The following PHACTR1 variants were observed in gnomAD, a reference collection of about 807,000 sequenced individuals.
PHACTR1 encodes phosphatase and actin regulator 1.
In PHACTR1, 16 loss-of-function variants were observed where a neutral mutation model predicts 69.2. The observed-to-expected ratio is 0.23, with a 90% confidence interval of 0.16 to 0.35. The LOEUF (loss-of-function observed/expected upper bound fraction) is 0.35. PHACTR1 is among the 10% of genes least tolerant of loss of function. PHACTR1 has a pLI of 1.00. For synonymous variants in PHACTR1, 312 were observed against 284.5 expected (o/e 1.10, Z -0.97); for missense variants, 510 against 734.7 (o/e 0.69, Z 3.54).
At chr6:13,072,637 C>T (rs368410189) in intron 5 of PHACTR1, among the ~76,000 whole-genome samples, 3 of 152,176 alleles carry the variant, frequency 2.0e-5, no homozygotes, top group East Asian at 3.8e-4. Context: ...AAAACATTCC[C>T]TTGGTTGTAT....
chr6:13,155,978 C>T (rs1453368230), intron 5 of PHACTR1, among the ~76,000 whole-genome samples: 3 of 152,060 alleles, frequency 2.0e-5, no homozygotes, highest in Admixed American at 1.3e-4. Context: ...GACTTTCAAC[C>T]CAAGTAAACT....
intron 4 of PHACTR1, among the ~76,000 whole-genome samples, chr6:12,869,942 G>T (rs999676066): frequency 3.3e-5 from 5 of 152,136 alleles, no homozygotes; most frequent in African/African-American, 1.2e-4. Context: ...TGGTCCTAGG[G>T]TTATAAGGTG....
intron 4 of PHACTR1, among the ~76,000 whole-genome samples, chr6:12,898,060 C>T (rs13219256): frequency 0.24 from 35,906 of 152,052 alleles, 4,607 homozygotes; most frequent in Middle Eastern, 0.37. Flanking sequence ...CTTTATTCTA[C>T]TGAACTTCCG....
At chr6:13,232,418 T>A (rs1771356063) in intron 10 of PHACTR1, among the ~76,000 whole-genome samples, 1 of 152,194 alleles carries the variant, frequency 6.6e-6, no homozygotes, top group African/African-American at 2.4e-5. Flanking sequence ...TGTTATGCAG[T>A]CTTTAGAGTC....
intron 3 of PHACTR1, among the ~76,000 whole-genome samples, chr6:12,749,277 G>A (rs1240615346): frequency 2.6e-5 from 4 of 152,218 alleles, no homozygotes. Flanking sequence ...CTGTGCCAAG[G>A]GCTGGAAACT....
chr6:12,824,684 T>C (rs1169531415), intron 4 of PHACTR1, among the ~76,000 whole-genome samples: 1 of 152,224 alleles, frequency 6.6e-6, no homozygotes, highest in Non-Finnish European at 1.5e-5. Flanking sequence ...ACTATTTTCA[T>C]TGCATGCTTC....
At chr6:12,801,333 C>A (rs1773671209) in intron 4 of PHACTR1, among the ~76,000 whole-genome samples, 1 of 152,190 alleles carries the variant, frequency 6.6e-6, no homozygotes, top group African/African-American at 2.4e-5. Flanking sequence ...GCCTCCTAGT[C>A]TGCCCAGCAG....
At chr6:13,278,116 A>G (rs1374239111) in intron 11 of PHACTR1, 152 bp from the exon 12 acceptor site, 3 of 647,126 alleles carry the variant, frequency 4.6e-6, no homozygotes, top group Middle Eastern at 2.7e-4. Flanking sequence ...CAATCCCCAT[A>G]AGGAGAAGGG....
chr6:13,231,075 GGAA>G (rs1562036746), intron 10 of PHACTR1, among the ~76,000 whole-genome samples: 19 of 18,690 alleles, frequency 1.0e-3, no homozygotes, highest in African/African-American at 2.8e-3. Context: ...AAGGAAGGAA[GGAA>G]GGAAGGAAGA....
At chr6:12,975,482 G>A (rs1794760285) in intron 4 of PHACTR1, among the ~76,000 whole-genome samples, 1 of 152,214 alleles carries the variant, frequency 6.6e-6, no homozygotes, top group East Asian at 1.9e-4. Flanking sequence ...ACATTAAAAT[G>A]TTATAGCGCT....
intron 5 of PHACTR1, among the ~76,000 whole-genome samples, chr6:13,124,375 A>G (rs1056867644): frequency 3.9e-5 from 6 of 152,256 alleles, no homozygotes; most frequent in African/African-American, 9.6e-5. Flanking sequence ...TAAAATAACT[A>G]TGTATGTTCC....
chr6:13,147,169 TC>T (rs1302919890), intron 5 of PHACTR1, among the ~76,000 whole-genome samples: 2 of 152,232 alleles, frequency 1.3e-5, no homozygotes, highest in Non-Finnish European at 2.9e-5. Context: ...TTTACCACGT[TC>T]CCATAATAAG....
At chr6:13,285,973 T>A (rs1052872567) in intron 13 of PHACTR1, among the ~76,000 whole-genome samples, 173 bp from the exon 14 acceptor site, 1 of 152,128 alleles carries the variant, frequency 6.6e-6, no homozygotes, top group African/African-American at 2.4e-5. Flanking sequence ...AGGAGGGGAA[T>A]CTTTGTTTTA....
intron 4 of PHACTR1, among the ~76,000 whole-genome samples, chr6:12,771,816 A>G (rs1031895773): frequency 1.3e-5 from 2 of 152,204 alleles, no homozygotes; most frequent in African/African-American, 2.4e-5. Context: ...CTGCAGAAAA[A>G]TAGGAGCCAC....
chr6:12,995,086 G>A (rs1472629023), intron 4 of PHACTR1, among the ~76,000 whole-genome samples: 1 of 152,016 alleles, frequency 6.6e-6, no homozygotes, highest in Non-Finnish European at 1.5e-5. Context: ...ATGAAACAAT[G>A]ATGGAATGTT....
At chr6:13,118,624 G>A (rs1818183327) in intron 5 of PHACTR1, among the ~76,000 whole-genome samples, 2 of 151,922 alleles carry the variant, frequency 1.3e-5, no homozygotes, top group Non-Finnish European at 2.9e-5. Flanking sequence ...GACTACAGGT[G>A]CGCACAACCA....
intron 4 of PHACTR1, among the ~76,000 whole-genome samples, chr6:12,997,439 G>C (rs928151243): frequency 6.7e-6 from 1 of 149,356 alleles, no homozygotes; most frequent in Non-Finnish European, 1.5e-5. Context: ...GGGGAGGAGA[G>C]AGTCTTTTTA....
At chr6:13,048,553 T>TGTGTGTGTGTGA (rs777967292) in intron 4 of PHACTR1, among the ~76,000 whole-genome samples, 4 of 151,806 alleles carry the variant, frequency 2.6e-5, no homozygotes, top group South Asian at 2.1e-4. Context: ...TGTGTGTGTG[T>TGTGTGTGTGTGA]GATGGAGTTT....
intron 5 of PHACTR1, among the ~76,000 whole-genome samples, chr6:13,154,073 A>G (rs997820371): frequency 2.2e-4 from 34 of 152,246 alleles, no homozygotes; most frequent in African/African-American, 7.7e-4. Context: ...TTGTGCAGCC[A>G]TCACTGCAAT....
Sources: allele counts gnomAD v4.1 joint callset (sites outside exome capture counted in the v4.1 genomes callset), GRCh38; gene constraint gnomAD v4.1.1; transcripts MANE v1.5; gene names NCBI Gene and HGNC (gene_info 2026-07-23, HGNC 2026-07-21).